The following ZRSR2 variants were observed in gnomAD, a reference collection of about 807,000 sequenced individuals.
ZRSR2 encodes the protein zinc finger CCCH-type, RNA binding motif and serine/arginine rich 2, also known as U2 small nuclear ribonucleoprotein auxiliary factor 35 kDa subunit-related protein 2.
A neutral mutation model predicts 39.4 loss-of-function variants in ZRSR2; 3 were observed. That is an observed-to-expected ratio of 0.08 (90% CI 0.03 to 0.20). The LOEUF is 0.20. ZRSR2 is among the 10% of genes least tolerant of loss of function. The pLI, the probability that ZRSR2 is intolerant of heterozygous loss-of-function variation, is 1.00. For missense variants in ZRSR2, 256 were observed against 391.5 expected, an observed-to-expected ratio of 0.65 and a Z score of 2.92; for synonymous variants, 137 against 136.0, an observed-to-expected ratio of 1.01 and a Z score of -0.05.
chrX:15,792,787 A>G (rs1461052030), intron 2 of ZRSR2, among the ~76,000 whole-genome samples: 3 of 112,819 alleles, frequency 2.7e-5, no homozygotes, highest in Non-Finnish European at 5.6e-5. Context: ...GAAATCACAC[A>G]GTAGTACTGG....
chrX:15,823,083 C>G lies in ZRSR2; in HGVS notation c.1290C>G (p.Ser430Arg), dbSNP rs1258529007. The stretch of plus-strand genomic sequence containing the variant: ...GCAGAGGAAGAAATAGGGACCGCAG[C>G]AGGGACCGCAGCCGGGGCCGGGGCA... ...SRSRGRNRDR[S>R]RDRSRGRGSR... Residue 430 changes from serine to arginine, a missense_variant, in exon 11 of 11, where the codon AGC becomes AGG. Physicochemically the swap from Ser to Arg is moderately radical, Grantham distance 110. Transcript: ENST00000307771. The G allele has an allele frequency of 2.2e-5, 26 of 1,207,400 alleles. No homozygotes were observed. Among genetic ancestry groups the G allele is most frequent in the Non-Finnish European group, 2.9e-5 (26 of 893,653 alleles).
intron 8 of ZRSR2, among the ~76,000 whole-genome samples, chrX:15,817,975 C>T (rs1197341812): frequency 1.8e-5 from 2 of 111,933 alleles, no homozygotes; most frequent in African/African-American, 3.2e-5. Flanking sequence ...ATACGTATTA[C>T]CTGTTTCTTT....
chrX:15,804,050 T>G, intron 4 of ZRSR2, 61 bp from the exon 5 acceptor site: 4 of 1,102,927 alleles, frequency 3.6e-6, no homozygotes, highest in East Asian at 3.3e-5. Flanking sequence ...CTATGTGCGC[T>G]GTATGTGAAA....
At chrX:15,802,997 T>A in intron 3 of ZRSR2, among the ~76,000 whole-genome samples, 1 of 109,342 alleles carries the variant, frequency 9.1e-6, no homozygotes, top group Non-Finnish European at 1.9e-5. Flanking sequence ...GTGCAGTGGC[T>A]CACACATGTA....
chrX:15,805,178 T>G (rs1932767728), intron 5 of ZRSR2, among the ~76,000 whole-genome samples: 2 of 112,539 alleles, frequency 1.8e-5, no homozygotes, highest in African/African-American at 3.2e-5. Context: ...TTTTGTATCT[T>G]AGGCCATCAG....
intron 3 of ZRSR2, among the ~76,000 whole-genome samples, chrX:15,800,415 G>C (rs936995579): frequency 9.1e-6 from 1 of 110,021 alleles, no homozygotes; most frequent in African/African-American, 3.3e-5. Context: ...TTGATCTCTT[G>C]TGATCAAGTG....
At chrX:15,808,604 C>A (rs1319687105) in intron 6 of ZRSR2, among the ~76,000 whole-genome samples, 1 of 108,475 alleles carries the variant, frequency 9.2e-6, no homozygotes, top group East Asian at 2.8e-4. Context: ...GTTCTTGGAC[C>A]CTTTTTTTTC....
At chrX:15,796,606 T>C (rs1163028323) in intron 2 of ZRSR2, among the ~76,000 whole-genome samples, 3 of 110,928 alleles carry the variant, frequency 2.7e-5, no homozygotes, top group African/African-American at 9.9e-5. Context: ...TTTTCTCAAC[T>C]GTGAATGTGC....
At chrX:15,791,658 T>C (rs868219271) in intron 2 of ZRSR2, among the ~76,000 whole-genome samples, 50 of 88,817 alleles carry the variant, frequency 5.6e-4, no homozygotes, top group African/African-American at 1.2e-3. Flanking sequence ...CTTTTCTTTT[T>C]TTTTTTTTTT....
intron 3 of ZRSR2, among the ~76,000 whole-genome samples, 192 bp downstream of exon 3, chrX:15,800,145 ACTTTT>A (rs1417304642): frequency 1.0e-5 from 1 of 100,446 alleles, no homozygotes; most frequent in Non-Finnish European, 2.1e-5. Flanking sequence ...AAATGGAAGT[ACTTTT>A]CTTCTGTTTT....
rs184923939 is a variant in ZRSR2, at chrX:15,809,185, G to T, written c.439-15G>T. 3.6e-4 allele frequency: 408 copies of T among 1,134,447 alleles called. 9 individuals carry two copies. The Admixed American group carries it at 8.8e-3, about 24-fold the overall frequency. 93.5% of individuals were successfully genotyped at this position (1,134,447 alleles called of 1,213,427 possible). On this transcript the variant is annotated splice_polypyrimidine_tract_variant and intron_variant, in intron 6 of 10. Coordinates refer to ENST00000307771, the MANE Select transcript of ZRSR2 (RefSeq NM_005089.4). ...GTTTTTACTCCACCAGTAAAGTCATGGTTATTTTCAACAGTTGGAAAATGG... is the reference window on the plus strand; with the variant it reads ...GTTTTTACTCCACCAGTAAAGTCATTGTTATTTTCAACAGTTGGAAAATGG...
chrX:15,811,427 C>G (rs1403882427), intron 7 of ZRSR2, among the ~76,000 whole-genome samples: 4 of 108,801 alleles, frequency 3.7e-5, no homozygotes, highest in Non-Finnish European at 5.7e-5. Context: ...ATTCTCACCC[C>G]CCCCCCTTTT....
At chrX:15,809,898 A>G (rs1228492019) in intron 7 of ZRSR2, among the ~76,000 whole-genome samples, 3 of 112,236 alleles carry the variant, frequency 2.7e-5, no homozygotes, top group African/African-American at 9.7e-5. Context: ...AAGTGTTTTA[A>G]TTTCTGTTGT....
At chrX:15,816,176 C>T (rs1182345951) in intron 8 of ZRSR2, among the ~76,000 whole-genome samples, 1 of 112,370 alleles carries the variant, frequency 8.9e-6, no homozygotes, top group Non-Finnish European at 1.9e-5. Context: ...TTTTCCAGCA[C>T]ATGAATTCTC....
intron 2 of ZRSR2, among the ~76,000 whole-genome samples, chrX:15,799,453 C>CTT (rs781082388): frequency 1.6e-4 from 15 of 93,477 alleles, no homozygotes; most frequent in African/African-American, 3.7e-4. Flanking sequence ...CCCCCACCAC[C>CTT]TTTTTTTTTT....
intron 9 of ZRSR2, among the ~76,000 whole-genome samples, chrX:15,819,801 A>G (rs1933059647): frequency 9.0e-6 from 1 of 111,698 alleles, no homozygotes; most frequent in Admixed American, 9.5e-5. Flanking sequence ...CTAAGAGAGC[A>G]ATTAATGTAT....
rs763671967 is a variant in ZRSR2 at position 15,818,658 on chromosome X, G to C, written c.827+16G>C. 5.1e-6 allele frequency: 6 copies of C among 1,171,800 alleles called. No homozygotes were observed. Among genetic ancestry groups the C allele is most frequent in the Non-Finnish European group, 6.9e-6 (6 of 868,922 alleles). On this transcript the variant is annotated intron_variant, in intron 9 of 10. Transcript: ENST00000307771. ...AGTACCAGTCGTAAGTATTCTGCTT[G>C]TGGATGTCTTCCTGATTTGTCACAG...
intron 3 of ZRSR2, among the ~76,000 whole-genome samples, chrX:15,800,328 A>G (rs1375947795): frequency 1.8e-5 from 2 of 108,207 alleles, no homozygotes; most frequent in African/African-American, 6.7e-5. Flanking sequence ...CTGGGACAAC[A>G]GGTGTGCACC....
intron 2 of ZRSR2, among the ~76,000 whole-genome samples, chrX:15,797,426 T>C (rs1330951955): frequency 9.1e-6 from 1 of 109,870 alleles, no homozygotes; most frequent in African/African-American, 3.3e-5. Context: ...GCCAGGCTGG[T>C]CTCGAACTCC....
Sources: allele counts gnomAD v4.1 joint callset (sites outside exome capture counted in the v4.1 genomes callset), GRCh38; gene constraint gnomAD v4.1.1; transcripts MANE v1.5; gene names NCBI Gene and HGNC (gene_info 2026-07-23, HGNC 2026-07-21).